The following C2CD4A variants were observed in gnomAD, a reference collection of about 807,000 sequenced individuals.
C2CD4A encodes C2 calcium-dependent domain-containing protein 4A.
In C2CD4A, 2 loss-of-function variants were observed where a neutral mutation model predicts 0.4. The observed-to-expected ratio is 4.45, with a 90% CI of 1.82 to 13.99. The LOEUF (loss-of-function observed/expected upper bound fraction) is 13.99, where lower values mean the gene tolerates loss of function less well. Among genes scored for constraint, C2CD4A ranks in the 30% most tolerant of loss-of-function variants. C2CD4A has a pLI of 0.04. For synonymous variants in C2CD4A, 297 were observed against 280.8 expected, an observed-to-expected ratio of 1.06 and a Z score of -0.58; for missense variants, 610 against 574.2, an observed-to-expected ratio of 1.06 and a Z score of -0.64.
chr15:62,069,849 T>C lies in C2CD4A; in HGVS notation c.*1126T>C, dbSNP rs2049073682. On this transcript the variant is annotated 3_prime_UTR_variant, in exon 2 of 2. Transcript: ENST00000355522. ...GTTGACACTGAAGTTCGTGTCTACT[T>C]GTATTCCTCATCCTGCTTTTGGTGA... 6.0e-6 allele frequency: 1 copy of C among 167,306 alleles called. No homozygotes were observed. Among genetic ancestry groups the C allele is most frequent in the African/African-American group, 2.4e-5 (1 of 41,472 alleles). The allele number at this position is 167,306 out of a possible 1,614,324, so 10.4% of individuals were successfully genotyped here. A position where few individuals can be genotyped will look rare whatever the true frequency, so the allele number is the denominator to read the frequency against.
rs1029253318 is a variant in C2CD4A at position 62,068,695 on chromosome 15, T to A, written c.1082T>A (p.Leu361Gln). Residue 361 changes from leucine to glutamine, a missense_variant, in exon 2 of 2, where the codon CTG becomes CAG. Coordinates refer to ENST00000355522, the MANE Select transcript of C2CD4A (RefSeq NM_207322.3). ...GGCCGCCTGCTGGGCCAGGGTGAGCTGTCCCTGGGCGCCCTCCTGCTGCTC... is the reference window on the plus strand; with the variant it reads ...GGCCGCCTGCTGGGCCAGGGTGAGCAGTCCCTGGGCGCCCTCCTGCTGCTC... ...ERGRLLGQGE[L>Q]SLGALLLL 5.9e-6 allele frequency: 9 copies of A among 1,530,500 alleles called. No individual in the cohort carries two copies. The highest frequency in any genetic ancestry group is 7.9e-6 in the Non-Finnish European group (9 of 1,135,986). The allele number at this position is 1,530,500 out of a possible 1,614,324, so 94.8% of individuals were successfully genotyped here. A position where few individuals can be genotyped will look rare whatever the true frequency, so the allele number is the denominator to read the frequency against.
At position 62,068,362 on chromosome 15, in the gene C2CD4A, T is replaced by C. The variant is rs1487124726; in HGVS notation, c.749T>C (p.Leu250Pro). ...ERLEAEGTVA[L>P]GRAGDALRLA... ...CTGGAGGCCGAGGGCACCGTGGCTCTGGGCCGCGCCGGCGACGCCCTGCGC... is the reference window on the plus strand; with the variant it reads ...CTGGAGGCCGAGGGCACCGTGGCTCCGGGCCGCGCCGGCGACGCCCTGCGC... Residue 250 changes from leucine (L) to proline (P), a missense_variant, in exon 2 of 2, where the codon CTG (leucine) becomes CCG (proline). By Grantham distance (98) the Leu-to-Pro change is moderately conservative. Transcript: ENST00000355522. 2 of 1,366,458 alleles carry C rather than the reference T, an allele frequency of 1.5e-6. No individual in the cohort carries two copies. The highest frequency in any genetic ancestry group is 1.7e-5 in the South Asian group (1 of 58,332). The allele number at this position is 1,366,458 out of a possible 1,614,324, so 84.6% of individuals were successfully genotyped here.
Position 62,067,680 on chromosome 15 carries a change from C to T in C2CD4A, c.67C>T (p.Pro23Ser). 1 of 1,607,772 alleles carries T rather than the reference C, an allele frequency of 6.2e-7. No homozygotes were observed. The change falls in exon 2 of 2, where the codon CCG (proline) becomes TCG (serine). Residue 23 changes from proline to serine, a missense_variant. By Grantham distance (74) the Pro-to-Ser change is moderately conservative. Transcript: ENST00000355522. ...CLRRSGDWLL[P>S]GRARGAKSRT... ...TCGGCGGAGCGGAGACTGGCTTCTC[C>T]CGGGTCGGGCCCGCGGAGCCAAGTC...
Position 62,068,687 on chromosome 15 carries a change from G to C in C2CD4A, c.1074G>C (p.Gln358His). 1 of 1,539,424 alleles carries C rather than the reference G, an allele frequency of 6.5e-7. No homozygotes were observed. The highest frequency in any genetic ancestry group is 2.5e-5 in the East Asian group (1 of 40,552). Residue 358 changes from glutamine to histidine, a missense_variant, in exon 2 of 2, where the codon CAG (glutamine) becomes CAC (histidine). Gln to His is a conservative substitution (Grantham distance 24). Transcript: ENST00000355522. ...GGGAGCGGGGCCGCCTGCTGGGCCAGGGTGAGCTGTCCCTGGGCGCCCTCC... is the reference window on the plus strand; with the variant it reads ...GGGAGCGGGGCCGCCTGCTGGGCCACGGTGAGCTGTCCCTGGGCGCCCTCC... The part of the protein sequence containing the change: ...RGRERGRLLG[Q>H]GELSLGALLL...
In C2CD4A at chr15:62,068,441, C is replaced by T. The variant is rs759179353; in HGVS notation, c.828C>T (p.Arg276=). Residue 276 remains arginine, a synonymous_variant, in exon 2 of 2, where the codon CGC becomes CGT. Transcript: ENST00000355522. ...GTGRLRLRLL[R]AESPAGGAPG... ...GGCGGCTCCGCCTCCGGCTGCTCCG[C>T]GCCGAGAGCCCGGCCGGAGGCGCCC... The T allele has an allele frequency of 2.8e-6, 4 of 1,415,122 alleles. No individual in the cohort carries two copies. Among genetic ancestry groups the T allele is most frequent in the South Asian group, 3.0e-5 (2 of 65,912 alleles). 87.7% of individuals were successfully genotyped at this position (1,415,122 alleles called of 1,614,324 possible).
Position 62,070,849 on chromosome 15 carries a change from A to G in C2CD4A, c.*2126A>G, listed in dbSNP as rs1173917125. 4.1e-6 allele frequency: 1 copy of G among 241,350 alleles called. No individual in the cohort carries two copies. Among genetic ancestry groups the G allele is most frequent in the Non-Finnish European group, 8.4e-6 (1 of 119,026 alleles). 15.0% of individuals were successfully genotyped at this position (241,350 alleles called of 1,614,324 possible). On this transcript the variant is annotated 3_prime_UTR_variant, in exon 2 of 2. Coordinates refer to ENST00000355522, the MANE Select transcript of C2CD4A (RefSeq NM_207322.3). ...CCTTCTTCATGATTTTGAAATTTTG[A>G]TAGGGTAACTGCTAATGAGTTCACA...
chr15:62,070,397 G>T lies in C2CD4A; in HGVS notation c.*1674G>T. The T allele has an allele frequency of 4.8e-6, 2 of 413,298 alleles. No homozygotes were observed. The highest frequency in any genetic ancestry group is 2.6e-4 in the South Asian group (2 of 7,800). The allele number at this position is 413,298 out of a possible 1,614,324, so 25.6% of individuals were successfully genotyped here. A position where few individuals can be genotyped will look rare whatever the true frequency, so the allele number is the denominator to read the frequency against. The stretch of plus-strand genomic sequence containing the variant: ...TAGCTCACTGCAGCCTCTACCTCCT[G>T]ACACAAGCTGTCATCCCGCTTTGGC... On this transcript the variant is annotated 3_prime_UTR_variant, in exon 2 of 2. Coordinates refer to ENST00000355522, the MANE Select transcript of C2CD4A (RefSeq NM_207322.3).
rs180726851 is a variant in C2CD4A, at chr15:62,068,983, C to T, written c.*260C>T. ...TTGCATACCATATGTACCACACACG[C>T]CTAGGAAATAATGAATCACATGAAG... On this transcript the variant is annotated 3_prime_UTR_variant, in exon 2 of 2. Transcript: ENST00000355522. 10 of 413,172 alleles carry T rather than the reference C, an allele frequency of 2.4e-5. No individual in the cohort carries two copies. The highest frequency in any genetic ancestry group is 3.5e-5 in the Non-Finnish European group (8 of 228,840). The allele number at this position is 413,172 out of a possible 1,614,324, so 25.6% of individuals were successfully genotyped here.
At position 62,069,771 on chromosome 15, in the gene C2CD4A, C is replaced by CTA. The variant is rs1306667915; in HGVS notation, c.*1049_*1050dup. On this transcript the variant is annotated 3_prime_UTR_variant, in exon 2 of 2. Transcript: ENST00000355522. ...TCTTATGTAGGTAATACCACAGTGT[C>CTA]TAAAGGGCTCGCTATTAAAGTTGCG... 1.2e-5 allele frequency: 2 copies of CTA among 167,086 alleles called. No individual in the cohort carries two copies. Among genetic ancestry groups the CTA allele is most frequent in the African/African-American group, 4.8e-5 (2 of 41,444 alleles). The allele number at this position is 167,086 out of a possible 1,614,324, so 10.4% of individuals were successfully genotyped here.
rs917744414 is a variant in C2CD4A at position 62,070,783 on chromosome 15, T to C, written c.*2060T>C. ...TGCTCTTCTATCTAATCAGTCAATA[T>C]TTCCTTGGCCCTCAAGCCAACATTC... On this transcript the variant is annotated 3_prime_UTR_variant, in exon 2 of 2. Coordinates refer to ENST00000355522, the MANE Select transcript of C2CD4A (RefSeq NM_207322.3). The C allele has an allele frequency of 1.5e-5, 5 of 338,732 alleles. No individual in the cohort carries two copies. In the South Asian group the frequency reaches 6.3e-4, roughly 43 times the overall value. 21.0% of individuals were successfully genotyped at this position (338,732 alleles called of 1,614,324 possible). A position where few individuals can be genotyped will look rare whatever the true frequency, so the allele number is the denominator to read the frequency against.
rs1194387194 is a variant in C2CD4A at position 62,068,566 on chromosome 15, C to T, written c.953C>T (p.Ala318Val). Reference protein sequence around the residue: ...CSTVVGRSRKASFDQDFCFDG... With the variant: ...CSTVVGRSRKVSFDQDFCFDG... ...ACTGTGGTGGGGCGCAGCCGCAAGG[C>T]CTCCTTTGACCAGGACTTCTGCTTC... The change falls in exon 2 of 2, where the codon GCC becomes GTC. Residue 318 changes from alanine (A) to valine (V), a missense_variant. By Grantham distance (64) the Ala-to-Val change is moderately conservative (BLOSUM62 0). Coordinates refer to ENST00000355522, the MANE Select transcript of C2CD4A (RefSeq NM_207322.3). 7.0e-6 allele frequency: 11 copies of T among 1,571,112 alleles called. No individual in the cohort carries two copies. In the Admixed American group the frequency reaches 1.5e-4, roughly 21 times the overall value.
In C2CD4A at chr15:62,068,225, C is replaced by A; in HGVS notation, c.612C>A (p.Val204=). Residue 204 remains valine (V), a synonymous_variant, in exon 2 of 2, where the codon GTC becomes GTA. Coordinates refer to ENST00000355522, the MANE Select transcript of C2CD4A (RefSeq NM_207322.3). The stretch of plus-strand genomic sequence containing the variant: ...GGAGGAGTCGCCGCCTGACCCGCGT[C>A]CGCTCCGTCTCCAGCGGGAACGAGG... The part of the protein sequence containing the change: ...RAGRSRRLTR[V]RSVSSGNEDK... 1 of 1,373,926 alleles carries A rather than the reference C, an allele frequency of 7.3e-7. No individual in the cohort carries two copies. The highest frequency in any genetic ancestry group is 9.4e-7 in the Non-Finnish European group (1 of 1,062,238). 85.1% of individuals were successfully genotyped at this position (1,373,926 alleles called of 1,614,324 possible).
chr15:62,067,648 A>C lies in C2CD4A; in HGVS notation c.35A>C (p.Glu12Ala). The change falls in exon 2 of 2, where the codon GAG (glutamate) becomes GCG (alanine). Residue 12 changes from glutamate (E) to alanine (A), a missense_variant. Glu to Ala is a moderately radical substitution (Grantham distance 107). Transcript: ENST00000355522. Reference protein sequence around the residue: ...WCLERLRLGPECLRRSGDWLL... With the variant: ...WCLERLRLGPACLRRSGDWLL... ...CTGGAGCGACTCCGCTTGGGTCCTG[A>C]GTGCCTTCGGCGGAGCGGAGACTGG... 1.9e-6 allele frequency: 3 copies of C among 1,604,338 alleles called. No homozygotes were observed. Among genetic ancestry groups the C allele is most frequent in the Non-Finnish European group, 2.5e-6 (3 of 1,178,900 alleles).
In C2CD4A at chr15:62,067,593, G is replaced by C; in HGVS notation, c.-21G>C. 1 of 1,562,476 alleles carries C rather than the reference G, an allele frequency of 6.4e-7. No homozygotes were observed. The highest frequency in any genetic ancestry group is 8.6e-7 in the Non-Finnish European group (1 of 1,156,674). On this transcript the variant is annotated 5_prime_UTR_variant, in exon 2 of 2. Coordinates refer to ENST00000355522, the MANE Select transcript of C2CD4A (RefSeq NM_207322.3). ...GCCTTTGTGCACTGCAGGTAGACAA[G>C]CTCCAGCAGAGAGTGGCCAGATGTG...
chr15:62,070,163 A>AT lies in C2CD4A; in HGVS notation c.*1447dup, dbSNP rs967530023. ...CCCTTGAATTCACTGCCAGCAGGGC[A>AT]TTTTTTTCTTTTTTTTATGCAAATA... On this transcript the variant is annotated 3_prime_UTR_variant, in exon 2 of 2. Transcript: ENST00000355522. The AT allele has an allele frequency of 5.9e-5, 24 of 408,094 alleles. No homozygotes were observed. The highest frequency in any genetic ancestry group is 3.3e-4 in the African/African-American group (16 of 48,526). 25.3% of individuals were successfully genotyped at this position (408,094 alleles called of 1,614,324 possible).
chr15:62,067,560 A>G, intron 1 of C2CD4A, 25 bp from the exon 2 acceptor site: 1 of 1,522,628 alleles, frequency 6.6e-7, no homozygotes, highest in Non-Finnish European at 8.8e-7. Context: ...CGCTCTGACG[A>G]TCCTTGTGCC....
In C2CD4A at chr15:62,070,709, A is replaced by G. The variant is rs935855327; in HGVS notation, c.*1986A>G. ...AAATCAGCCACATCCAGGAGCTTGC[A>G]GTTGTTGACCAAATGAATGATGACA... On this transcript the variant is annotated 3_prime_UTR_variant, in exon 2 of 2. Coordinates refer to ENST00000355522, the MANE Select transcript of C2CD4A (RefSeq NM_207322.3). 5.0e-6 allele frequency: 2 copies of G among 397,418 alleles called. No individual in the cohort carries two copies. The highest frequency in any genetic ancestry group is 3.7e-5 in the East Asian group (1 of 26,986). The allele number at this position is 397,418 out of a possible 1,614,324, so 24.6% of individuals were successfully genotyped here.
rs1251535342 is a variant in C2CD4A at position 62,070,544 on chromosome 15, G to C, written c.*1821G>C. 1 of 413,316 alleles carries C rather than the reference G, an allele frequency of 2.4e-6. No individual in the cohort carries two copies. The highest frequency in any genetic ancestry group is 4.4e-6 in the Non-Finnish European group (1 of 226,152). 25.6% of individuals were successfully genotyped at this position (413,316 alleles called of 1,614,324 possible). ...AAAAATGCTATTTAGAAAAGAGTTT[G>C]ATAAAATAAATATTATACAAAATTC... On this transcript the variant is annotated 3_prime_UTR_variant, in exon 2 of 2. Coordinates refer to ENST00000355522, the MANE Select transcript of C2CD4A (RefSeq NM_207322.3).
rs1213969793 is a variant in C2CD4A, at chr15:62,069,622, A to G, written c.*899A>G. On this transcript the variant is annotated 3_prime_UTR_variant, in exon 2 of 2. Coordinates refer to ENST00000355522, the MANE Select transcript of C2CD4A (RefSeq NM_207322.3). ...AATAATAAATAGTTTTACAAGCGTT[A>G]ATTTATGTTTTAACCCCCAAAAGGA... The G allele has an allele frequency of 6.0e-6, 1 of 166,766 alleles. No individual in the cohort carries two copies. Among genetic ancestry groups the G allele is most frequent in the Non-Finnish European group, 1.5e-5 (1 of 68,104 alleles). 10.3% of individuals were successfully genotyped at this position (166,766 alleles called of 1,614,324 possible). A position where few individuals can be genotyped will look rare whatever the true frequency, so the allele number is the denominator to read the frequency against.
Sources: gnomAD v4.1 joint callset for allele counts on GRCh38, gnomAD v4.1.1 for gene constraint, MANE v1.5 for transcripts, NCBI Gene and HGNC (gene_info 2026-07-23, HGNC 2026-07-21) for gene names.